Variants in CHRND observed in about 807,000 individuals in gnomAD.
The protein encoded by CHRND is cholinergic receptor nicotinic delta subunit.
CHRND carries 40 observed loss-of-function variants against 57.8 expected under a neutral mutation model. The ratio of observed to expected loss-of-function variants is 0.69; its 90% CI spans 0.54 to 0.90. The LOEUF (loss-of-function observed/expected upper bound fraction) is 0.90. Ranked by LOEUF, CHRND falls within the 40% of genes least tolerant of loss-of-function variation. The probability of loss-of-function intolerance (pLI) is 0.00; values close to 1 mark genes in which losing one functional copy is unlikely to be tolerated. For missense variants in CHRND, 634 were observed against 673.9 expected (o/e 0.94, Z 0.66); for synonymous variants, 237 against 270.6 (o/e 0.88, Z 1.22).
At chr2:232,526,300 C>T (rs757874864) in intron 1 of CHRND, 33 bp downstream of exon 1, 67 of 1,603,468 alleles carry the variant, frequency 4.2e-5, no homozygotes, top group South Asian at 3.2e-4. Flanking sequence ...CCCTGGGGTC[C>T]CCCGTGATGC....
At chr2:232,534,586 G>A (rs1325031077) in intron 11 of CHRND, among the ~76,000 whole-genome samples, 1 of 152,090 alleles carries the variant, frequency 6.6e-6, no homozygotes, top group Non-Finnish European at 1.5e-5. Flanking sequence ...GCCACACTCT[G>A]AGCATCCCTT....
intron 9 of CHRND, among the ~76,000 whole-genome samples, chr2:232,533,142 T>A (rs1263106999): frequency 3.3e-5 from 5 of 152,168 alleles, no homozygotes; most frequent in African/African-American, 1.2e-4. Flanking sequence ...TGCCTCAGCC[T>A]CCTAAGTAGC....
Position 232,531,970 on chromosome 2 carries a change from A to AAAAAAAAAAAAG in CHRND, c.1047+318_1047+319insAAAAAAAGAAAA, listed in dbSNP as rs1391577789. 7.9e-4 allele frequency among the ~76,000 whole-genome samples: 107 copies of AAAAAAAAAAAAG among 135,200 alleles called. 1 individual carries two copies. The highest frequency in any genetic ancestry group is 2.7e-3 in the African/African-American group (101 of 37,796). 88.7% of individuals were successfully genotyped at this position (135,200 alleles called of 152,430 possible). On this transcript the variant is annotated intron_variant, in intron 9 of 11. Coordinates refer to ENST00000258385, the MANE Select transcript of CHRND (RefSeq NM_000751.3). ...TCAAAAAAAAAAAAAAAAAAAAAAA[A>AAAAAAAAAAAAG]AAAAGAAATGAGCACTCTCAATAGC... is the stretch of plus-strand genomic sequence containing the variant.
chr2:232,528,719 A>T, intron 5 of CHRND, 63 bp downstream of exon 5: 4 of 1,611,068 alleles, frequency 2.5e-6, no homozygotes, highest in Non-Finnish European at 3.4e-6. Context: ...AAAGAAGGTG[A>T]CTGAAGCACC....
chr2:232,533,479 A>G (rs1691778458), intron 9 of CHRND, among the ~76,000 whole-genome samples: 1 of 152,210 alleles, frequency 6.6e-6, no homozygotes, highest in African/African-American at 2.4e-5. Context: ...CATGTGCATC[A>G]GTAGGAGATC....
intron 9 of CHRND, among the ~76,000 whole-genome samples, chr2:232,533,593 C>A (rs1256670996): frequency 6.6e-6 from 1 of 152,124 alleles, no homozygotes; most frequent in African/African-American, 2.4e-5. Context: ...TGTAAAATGG[C>A]CTTTTTGGCC....
In CHRND at chr2:232,535,477, C is replaced by G. The variant is rs1691855359; in HGVS notation, c.*165C>G. 1.1e-6 allele frequency: 1 copy of G among 883,084 alleles called. No individual in the cohort carries two copies. The highest frequency in any genetic ancestry group is 1.8e-6 in the Non-Finnish European group (1 of 552,602). 54.7% of individuals were successfully genotyped at this position (883,084 alleles called of 1,614,324 possible). A position where few individuals can be genotyped will look rare whatever the true frequency, so the allele number is the denominator to read the frequency against. ...CAATGCTCAATGGCTCCCCTGAAAT[C>G]AAGACAGGGGCCACCCGAGATGGTC... On this transcript the variant is annotated 3_prime_UTR_variant, in exon 12 of 12. Coordinates refer to ENST00000258385, the MANE Select transcript of CHRND (RefSeq NM_000751.3).
rs1691582012 is a variant in CHRND at position 232,528,897 on chromosome 2, G to T, written c.545G>T (p.Ser182Ile). ...LKYTAKEITL[S>I]LKQDAKENRT... ...TATACGGCCAAAGAGATCACCCTGA[G>T]CCTGAAACAGGATGCCAAGGAGAAC... Residue 182 changes from serine (S) to isoleucine (I), a missense_variant, in exon 6 of 12, where the codon AGC becomes ATC. Coordinates refer to ENST00000258385, the MANE Select transcript of CHRND (RefSeq NM_000751.3). The T allele has an allele frequency of 6.2e-7, 1 of 1,613,946 alleles. No individual in the cohort carries two copies. The highest frequency in any genetic ancestry group is 1.3e-5 in the African/African-American group (1 of 74,872).
intron 9 of CHRND, among the ~76,000 whole-genome samples, chr2:232,533,436 C>T (rs549829266): frequency 8.0e-4 from 122 of 152,292 alleles, no homozygotes; most frequent in Non-Finnish European, 1.2e-4. Flanking sequence ...TGCTCCGCAC[C>T]ATGGGTGATG....
chr2:232,535,669 G>A lies in CHRND; in HGVS notation c.*357G>A, dbSNP rs1691864388. The A allele has an allele frequency of 4.1e-6, 2 of 485,254 alleles. No homozygotes were observed. The highest frequency in any genetic ancestry group is 8.1e-6 in the Non-Finnish European group (2 of 248,216). The allele number at this position is 485,254 out of a possible 1,614,324, so 30.1% of individuals were successfully genotyped here. A position where few individuals can be genotyped will look rare whatever the true frequency, so the allele number is the denominator to read the frequency against. ...TCTGCTTCTCCTCCCCCAAGGTGTG[G>A]GGTAGAGCAGGCAGGAATCTGCGCC... is the stretch of plus-strand genomic sequence containing the variant. On this transcript the variant is annotated 3_prime_UTR_variant, in exon 12 of 12. Coordinates refer to ENST00000258385, the MANE Select transcript of CHRND (RefSeq NM_000751.3).
intron 1 of CHRND, 61 bp downstream of exon 1, chr2:232,526,328 C>T (rs1421744992): frequency 3.8e-6 from 6 of 1,565,328 alleles, no homozygotes; most frequent in Middle Eastern, 2.2e-4. Flanking sequence ...GGCCCCACAC[C>T]GCATGGCTCC....
Position 232,530,080 on chromosome 2 carries a change from T to C in CHRND, c.761T>C (p.Leu254Pro), listed in dbSNP as rs748328481. The C allele has an allele frequency of 6.2e-7, 1 of 1,614,192 alleles. No homozygotes were observed. The highest frequency in any genetic ancestry group is 1.1e-5 in the South Asian group (1 of 91,076). The change falls in exon 7 of 12, where the codon CTG becomes CCG. Residue 254 changes from leucine (L) to proline (P), a missense_variant. By Grantham distance (98) the Leu-to-Pro change is moderately conservative. Coordinates refer to ENST00000258385, the MANE Select transcript of CHRND (RefSeq NM_000751.3). ...RKPLFYIINI[L>P]VPCVLISFMV... ...CCCCTCTTCTACATCATCAACATCC[T>C]GGTGCCCTGCGTGCTCATCTCCTTC...
chr2:232,526,372 C>A, intron 1 of CHRND, 105 bp downstream of exon 1: 5 of 1,517,140 alleles, frequency 3.3e-6, no homozygotes, highest in Non-Finnish European at 4.5e-6. Context: ...CCATCTCTCC[C>A]TGTGGGGGGC....
chr2:232,529,510 C>T (rs1165328516), intron 6 of CHRND, among the ~76,000 whole-genome samples: 5 of 152,212 alleles, frequency 3.3e-5, no homozygotes. Flanking sequence ...GTCACTGGCT[C>T]ATTATCCCCA....
In CHRND at chr2:232,536,595, G is replaced by C. The variant is rs1452583320; in HGVS notation, c.*1283G>C. On this transcript the variant is annotated 3_prime_UTR_variant, in exon 12 of 12. Transcript: ENST00000258385. ...GAAAGTCCCTAAGCCAGAACCACCA[G>C]CTAAGTGACTCCTGGATTCCTGACC... 2 of 380,496 alleles carry C rather than the reference G, an allele frequency of 5.3e-6. No individual in the cohort carries two copies. Among genetic ancestry groups the C allele is most frequent in the East Asian group, 1.5e-4 (2 of 13,696 alleles). 23.6% of individuals were successfully genotyped at this position (380,496 alleles called of 1,614,324 possible).
chr2:232,536,075 G>T lies in CHRND; in HGVS notation c.*763G>T, dbSNP rs1691882761. On this transcript the variant is annotated 3_prime_UTR_variant, in exon 12 of 12. Coordinates refer to ENST00000258385, the MANE Select transcript of CHRND (RefSeq NM_000751.3). ...ATCATTCGTTGTTTCTCTGAAATTT[G>T]TCCCCTATTTTTATTTGCTAAATCT... 2 of 453,968 alleles carry T rather than the reference G, an allele frequency of 4.4e-6. No homozygotes were observed. Among genetic ancestry groups the T allele is most frequent in the Non-Finnish European group, 8.8e-6 (2 of 226,806 alleles). The allele number at this position is 453,968 out of a possible 1,614,324, so 28.1% of individuals were successfully genotyped here. A position where few individuals can be genotyped will look rare whatever the true frequency, so the allele number is the denominator to read the frequency against.
At chr2:232,528,112 C>T in intron 3 of CHRND, 150 bp from the exon 4 acceptor site, 1 of 726,402 alleles carries the variant, frequency 1.4e-6, no homozygotes, top group Non-Finnish European at 2.5e-6. Flanking sequence ...CTGTCCATGA[C>T]AGACCTGAAT....
At chr2:232,531,842 T>C (rs1455461571) in intron 9 of CHRND, among the ~76,000 whole-genome samples, 186 bp downstream of exon 9, 2 of 144,204 alleles carry the variant, frequency 1.4e-5, no homozygotes, top group Admixed American at 7.3e-5. Context: ...TCCCAGCTAC[T>C]CAAGAGGCTG....
Position 232,536,432 on chromosome 2 carries a change from C to T in CHRND, c.*1120C>T, listed in dbSNP as rs1691894536. ...AAGCCAGCTGGCATGTTAAGGAGCC[C>T]TATGGAGAGGCCCACATGGCAAGGA... On this transcript the variant is annotated 3_prime_UTR_variant, in exon 12 of 12. Transcript: ENST00000258385. 1 of 454,000 alleles carries T rather than the reference C, an allele frequency of 2.2e-6. No homozygotes were observed. The highest frequency in any genetic ancestry group is 2.0e-5 in the African/African-American group (1 of 50,002). The allele number at this position is 454,000 out of a possible 1,614,324, so 28.1% of individuals were successfully genotyped here. A position where few individuals can be genotyped will look rare whatever the true frequency, so the allele number is the denominator to read the frequency against.
Sources: gnomAD v4.1 joint callset for allele counts (sites outside exome capture counted in the v4.1 genomes callset) on GRCh38, gnomAD v4.1.1 for gene constraint, MANE v1.5 for transcripts, NCBI Gene and HGNC (gene_info 2026-07-23, HGNC 2026-07-21) for gene names.